The following STAT4 variants were observed in gnomAD, a reference collection of about 807,000 sequenced individuals.
The protein encoded by STAT4 is signal transducer and activator of transcription 4.
Under a neutral mutation model 110.5 loss-of-function variants are expected in STAT4, and 42 were observed. The observed-to-expected ratio is 0.38, with a 90% CI of 0.30 to 0.49. STAT4 has a LOEUF of 0.49. Ranked by LOEUF, STAT4 falls within the 20% of genes least tolerant of loss-of-function variation. The probability of loss-of-function intolerance (pLI) is 0.95; values close to 1 mark genes in which losing one functional copy is unlikely to be tolerated. For missense variants in STAT4, 632 were observed against 887.9 expected (o/e 0.71, Z 3.66); for synonymous variants, 284 against 302.2 (o/e 0.94, Z 0.63).
intron 3 of STAT4, among the ~76,000 whole-genome samples, chr2:191,114,515 T>C (rs1340138956): frequency 2.6e-5 from 4 of 152,200 alleles, no homozygotes; most frequent in Non-Finnish European, 4.4e-5. Flanking sequence ...ACCTCCTCCG[T>C]TAAGTTTAAC....
At chr2:191,034,514 T>A (rs551924843) in intron 18 of STAT4, 34 bp downstream of exon 18, 3 of 1,555,066 alleles carry the variant, frequency 1.9e-6, no homozygotes, top group South Asian at 1.1e-5. Flanking sequence ...ATTAAAAAAA[T>A]GTATCTAAAT....
chr2:191,092,126 C>T (rs1284481706), intron 3 of STAT4, among the ~76,000 whole-genome samples: 1 of 152,052 alleles, frequency 6.6e-6, no homozygotes, highest in African/African-American at 2.4e-5. Flanking sequence ...ATGTAGAAGC[C>T]CGGGCGCTGT....
At chr2:191,121,102 G>C (rs545299146) in intron 3 of STAT4, among the ~76,000 whole-genome samples, 2 of 152,282 alleles carry the variant, frequency 1.3e-5, no homozygotes, top group Admixed American at 1.3e-4. Context: ...CCATCAAAAA[G>C]TGGGCGAAGG....
rs766556147 is a variant in STAT4, at chr2:191,060,839, G to A, written c.1034+890C>T. Among the ~76,000 whole-genome samples the A allele has an allele frequency of 6.6e-6, 1 of 152,186 alleles. No homozygotes were observed. The highest frequency in any genetic ancestry group is 1.5e-5 in the Non-Finnish European group (1 of 68,032). ...TAATGGTGTCTTAAAAATGCAAACC[G>A]AAGACAAATGCCTTCTCTTTAAAAA... On this transcript the variant is annotated intron_variant, in intron 10 of 23. Transcript: ENST00000392320. The surrounding 1 kb of genome is among the most constrained non-coding windows in gnomAD (Gnocchi z 4.5).
intron 14 of STAT4, among the ~76,000 whole-genome samples, chr2:191,044,167 G>T (rs1014613402): frequency 1.3e-5 from 2 of 152,110 alleles, no homozygotes; most frequent in East Asian, 1.9e-4. Flanking sequence ...AATAATACAA[G>T]AAAACTTCTC....
chr2:191,029,591 G>T lies in STAT4; in HGVS notation c.*249C>A. On this transcript the variant is annotated 3_prime_UTR_variant, in exon 24 of 24. Transcript: ENST00000392320. This position sits in a 1 kb window ranked among gnomAD's most constrained non-coding sequence, Gnocchi z 4.5. ...GGCAAGCGAGTCTTCTGTTAATATT[G>T]TTATTAACACTGGTTTCTTAAAGTT... The T allele has an allele frequency of 4.0e-6, 2 of 493,858 alleles. No homozygotes were observed. The highest frequency in any genetic ancestry group is 7.0e-6 in the Non-Finnish European group (2 of 284,006). The allele number at this position is 493,858 out of a possible 1,614,324, so 30.6% of individuals were successfully genotyped here.
At chr2:191,067,125 A>C (rs1408581591) in intron 6 of STAT4, among the ~76,000 whole-genome samples, 1 of 151,234 alleles carries the variant, frequency 6.6e-6, no homozygotes, top group Non-Finnish European at 1.5e-5. Flanking sequence ...GTTGTAACTT[A>C]GAAAAATATC....
At chr2:191,100,800 A>G (rs1698130859) in intron 3 of STAT4, among the ~76,000 whole-genome samples, 1 of 151,394 alleles carries the variant, frequency 6.6e-6, no homozygotes, top group South Asian at 2.1e-4. Flanking sequence ...TTCATATTAT[A>G]TAAAATATAT....
chr2:191,074,874 C>A (rs566879726), intron 4 of STAT4, among the ~76,000 whole-genome samples: 1 of 152,136 alleles, frequency 6.6e-6, no homozygotes, highest in South Asian at 2.1e-4. Flanking sequence ...ATAACAGATA[C>A]TTTTGGCCGG....
Position 191,091,022 on chromosome 2 carries a change from G to C in STAT4, c.274-14697C>G, listed in dbSNP as rs147140299. Among the ~76,000 whole-genome samples, 28 of 152,286 alleles carry C rather than the reference G, an allele frequency of 1.8e-4. No homozygotes were observed. Among genetic ancestry groups the C allele is most frequent in the African/African-American group, 6.5e-4 (27 of 41,542 alleles). On this transcript the variant is annotated intron_variant, in intron 3 of 23. Coordinates refer to ENST00000392320, the MANE Select transcript of STAT4 (RefSeq NM_003151.4). The surrounding 1 kb of genome is among the most constrained non-coding windows in gnomAD (Gnocchi z 5.4). ...CTGAAAAGCAGCTGGAGAGCCCTTT[G>C]TACAAAGTCAGAGGACCTGGGTTGG...
chr2:191,126,698 G>A (rs980364789), intron 3 of STAT4, among the ~76,000 whole-genome samples: 1 of 152,126 alleles, frequency 6.6e-6, no homozygotes, highest in Non-Finnish European at 1.5e-5. Flanking sequence ...CACATGCTGG[G>A]GTTTCCATGT....
intron 14 of STAT4, among the ~76,000 whole-genome samples, chr2:191,052,464 A>G (rs1360071831): frequency 6.6e-6 from 1 of 152,254 alleles, no homozygotes; most frequent in Non-Finnish European, 1.5e-5. Flanking sequence ...ATCAGAAAAT[A>G]AGAGGAAATA....
chr2:191,124,942 A>G (rs1256247500), intron 3 of STAT4, among the ~76,000 whole-genome samples: 2 of 152,154 alleles, frequency 1.3e-5, no homozygotes, highest in Admixed American at 6.5e-5. Flanking sequence ...CTGCTATTCT[A>G]TACTCCACAG....
In STAT4 at chr2:191,033,199, T is replaced by C; in HGVS notation, c.1853-50A>G. 6.4e-7 allele frequency: 1 copy of C among 1,561,110 alleles called. No homozygotes were observed. The highest frequency in any genetic ancestry group is 1.2e-5 in the South Asian group (1 of 84,002). On this transcript the variant is annotated intron_variant, in intron 20 of 23. Coordinates refer to ENST00000392320, the MANE Select transcript of STAT4 (RefSeq NM_003151.4). This position sits in a 1 kb window ranked among gnomAD's most constrained non-coding sequence, Gnocchi z 6.9. ...TATACAGGTTCCTGTACACATTCCT[T>C]GTGACCATTTCTTCCCTGCCCACAT... is the stretch of plus-strand genomic sequence containing the variant.
At chr2:191,136,662 A>G (rs1699187096) in intron 3 of STAT4, among the ~76,000 whole-genome samples, 2 of 152,128 alleles carry the variant, frequency 1.3e-5, no homozygotes, top group Admixed American at 1.3e-4. Flanking sequence ...GATGCAGGAG[A>G]ATTGCTTGAA....
In STAT4 at chr2:191,055,153, C is replaced by T. The variant is rs149451894; in HGVS notation, c.1207-619G>A. On this transcript the variant is annotated intron_variant, in intron 13 of 23. Coordinates refer to ENST00000392320, the MANE Select transcript of STAT4 (RefSeq NM_003151.4). ...ATTATAAAAATGAAGAAGTTAATAG[C>T]GTTGCAAAGTGGTGGAATTATAGGT... Among the ~76,000 whole-genome samples, 253 of 151,708 alleles carry T rather than the reference C, an allele frequency of 1.7e-3. 1 individual carries two copies. The highest frequency in any genetic ancestry group is 5.5e-4 in the Non-Finnish European group (37 of 67,882).
Position 191,029,957 on chromosome 2 carries a change from C to T in STAT4, c.2221-91G>A, listed in dbSNP as rs150699569. ...GGGCAAATAAACGTCCTCTTTTCTA[C>T]GAATTACTCCATAATTTTTCTATTA... On this transcript the variant is annotated intron_variant, in intron 23 of 23. Transcript: ENST00000392320. The surrounding 1 kb of genome is among the most constrained non-coding windows in gnomAD (Gnocchi z 4.5). 694 of 966,230 alleles carry T rather than the reference C, an allele frequency of 7.2e-4. 6 individuals carry two copies. The East Asian group carries it at 0.011, about 15-fold the overall frequency. The allele number at this position is 966,230 out of a possible 1,614,324, so 59.9% of individuals were successfully genotyped here.
chr2:191,139,075 A>C (rs886574642), intron 3 of STAT4, among the ~76,000 whole-genome samples: 2 of 152,138 alleles, frequency 1.3e-5, no homozygotes, highest in Non-Finnish European at 2.9e-5. Flanking sequence ...AAAAACCCTC[A>C]ACAAAATAGG....
At position 191,110,826 on chromosome 2, in the gene STAT4, C is replaced by A. The variant is rs552672678; in HGVS notation, c.274-34501G>T. ...TGAGATCAAGCCTCCCTTTGTCATC[C>A]AGGCTGGAGTGCAGTGGCGCAGTCT... On this transcript the variant is annotated intron_variant, in intron 3 of 23. Transcript: ENST00000392320. The surrounding 1 kb of genome is among the most constrained non-coding windows in gnomAD (Gnocchi z 4.5). 1.1e-3 allele frequency among the ~76,000 whole-genome samples: 163 copies of A among 152,156 alleles called. No individual in the cohort carries two copies. Among genetic ancestry groups the A allele is most frequent in the African/African-American group, 3.6e-3 (151 of 41,496 alleles).
Sources: gnomAD v4.1 joint callset for allele counts (sites outside exome capture counted in the v4.1 genomes callset) on GRCh38, gnomAD v4.1.1 for gene constraint, Gnocchi (gnomAD v3.1) non-coding constraint, MANE v1.5 for transcripts, NCBI Gene and HGNC (gene_info 2026-07-23, HGNC 2026-07-21) for gene names.